The following PLAGL1 variants were observed in gnomAD, a reference collection of about 807,000 sequenced individuals.
The protein encoded by PLAGL1 is PLAG1 like zinc finger 1.
Under a neutral mutation model 4.6 loss-of-function variants are expected in PLAGL1, and 1 was observed. That is an observed-to-expected ratio of 0.22 (90% CI 0.08 to 1.03). The LOEUF (loss-of-function observed/expected upper bound fraction) is 1.03, where lower values mean the gene tolerates loss of function less well. PLAGL1 is among the 50% of genes least tolerant of loss of function. The pLI is 0.58. For synonymous variants in PLAGL1, 240 were observed against 237.8 expected (o/e 1.01, Z -0.08); for missense variants, 464 against 570.4 (o/e 0.81, Z 1.90).
At chr6:143,943,031 ATT>A (rs61216054) in intron 7 of PLAGL1, among the ~76,000 whole-genome samples, 7 of 64,646 alleles carry the variant, frequency 1.1e-4, no homozygotes, top group South Asian at 8.8e-4. Context: ...GGCCTGGCTA[ATT>A]TTTTTTTTTT....
Position 143,941,853 on chromosome 6 carries a change from A to G in PLAGL1, c.963T>C (p.Asp321=). ...AACTGATATTGCAAAAACCTTTAGT[A>G]TCTGCTTTGAGGGGCAGGCTTGCAA... The part of the protein sequence containing the change: ...SPLASLPLKA[D]TKGFCNISLF... Residue 321 remains aspartate (D), a synonymous_variant, in exon 8 of 8, where the codon GAT becomes GAC. Coordinates refer to ENST00000674357, the MANE Select transcript of PLAGL1 (RefSeq NM_001317162.2). The surrounding 1 kb of genome is among the most constrained non-coding windows in gnomAD (Gnocchi z 6.0). 1 of 1,614,070 alleles carries G rather than the reference A, an allele frequency of 6.2e-7. No individual in the cohort carries two copies. Among genetic ancestry groups the G allele is most frequent in the Non-Finnish European group, 8.5e-7 (1 of 1,179,904 alleles).
At chr6:143,988,333 G>A (rs1194788237) in intron 1 of PLAGL1, among the ~76,000 whole-genome samples, 1 of 152,196 alleles carries the variant, frequency 6.6e-6, no homozygotes, top group African/African-American at 2.4e-5. Context: ...GACTATATCT[G>A]TATAACTTAG....
Position 143,947,884 on chromosome 6 carries a change from C to T in PLAGL1, c.152+101G>A. The stretch of plus-strand genomic sequence containing the variant: ...AATCCCTCAAAGGCTAAAATGCATC[C>T]ATATCCTGTGTCCCTTTCCCCTTGC... On this transcript the variant is annotated intron_variant, in intron 7 of 7. Transcript: ENST00000674357. The surrounding 1 kb of genome is among the most constrained non-coding windows in gnomAD (Gnocchi z 4.3). 1 of 917,114 alleles carries T rather than the reference C, an allele frequency of 1.1e-6. No individual in the cohort carries two copies. The highest frequency in any genetic ancestry group is 1.6e-5 in the South Asian group (1 of 60,918). 56.8% of individuals were successfully genotyped at this position (917,114 alleles called of 1,614,324 possible). A position where few individuals can be genotyped will look rare whatever the true frequency, so the allele number is the denominator to read the frequency against.
Position 144,027,316 on chromosome 6 carries a change from T to C in PLAGL1, c.-151+37152A>G, listed in dbSNP as rs1796450518. Among the ~76,000 whole-genome samples, 1 of 149,946 alleles carries C rather than the reference T, an allele frequency of 6.7e-6. No individual in the cohort carries two copies. The highest frequency in any genetic ancestry group is 6.7e-5 in the Admixed American group (1 of 14,974). ...GAAAGTTATTTGATCTGAAGTACAATGTCTTTAAGAAGTGAAATCTGTAAG... is the reference window on the plus strand; with the variant it reads ...GAAAGTTATTTGATCTGAAGTACAACGTCTTTAAGAAGTGAAATCTGTAAG... On this transcript the variant is annotated intron_variant, in intron 1 of 3. Coordinates refer to the PLAGL1 transcript ENST00000437412. The surrounding 1 kb of genome is among the most constrained non-coding windows in gnomAD (Gnocchi z 5.8).
rs1182420511 is a variant in PLAGL1 at position 144,013,523 on chromosome 6, T to G, written c.-150-44545A>C. 6.6e-6 allele frequency among the ~76,000 whole-genome samples: 1 copy of G among 152,232 alleles called. No individual in the cohort carries two copies. The highest frequency in any genetic ancestry group is 1.5e-5 in the Non-Finnish European group (1 of 68,032). The stretch of plus-strand genomic sequence containing the variant: ...AACAAATTACCACAAACTGGTGGCA[T>G]AAAACATGAAATTTATTTTCTGAGT... On this transcript the variant is annotated intron_variant, in intron 1 of 3. Coordinates refer to the PLAGL1 transcript ENST00000437412. The surrounding 1 kb of genome is among the most constrained non-coding windows in gnomAD (Gnocchi z 4.4).
At chr6:144,019,105 A>G (rs150520164) in intron 1 of PLAGL1, among the ~76,000 whole-genome samples, 1 of 152,300 alleles carries the variant, frequency 6.6e-6, no homozygotes, top group African/African-American at 2.4e-5. Context: ...AAACGCTGAG[A>G]TTCCAGATTA....
At chr6:143,986,510 T>C (rs567011832) in intron 1 of PLAGL1, among the ~76,000 whole-genome samples, 3 of 152,216 alleles carry the variant, frequency 2.0e-5, no homozygotes, top group Non-Finnish European at 2.9e-5. Context: ...AAAAGACATA[T>C]TCAATTGAGC....
rs148127754 is a variant in PLAGL1, at chr6:143,960,123, T to C, written c.-325+346A>G. On this transcript the variant is annotated intron_variant, in intron 6 of 7. Coordinates refer to ENST00000674357, the MANE Select transcript of PLAGL1 (RefSeq NM_001317162.2). This position sits in a 1 kb window ranked among gnomAD's most constrained non-coding sequence, Gnocchi z 5.7. ...ATCTTATGTACACAAGTTAGGAGTG[T>C]TGGCAGGGGCAGCTTTCTTCTTTTG... is the stretch of plus-strand genomic sequence containing the variant. Among the ~76,000 whole-genome samples, 1,436 of 152,296 alleles carry C rather than the reference T, an allele frequency of 9.4e-3. 8 individuals carry two copies. The highest frequency in any genetic ancestry group is 0.031 in the Middle Eastern group (9 of 294).
At chr6:144,062,823 A>C (rs1799531386) in intron 1 of PLAGL1, among the ~76,000 whole-genome samples, 1 of 152,230 alleles carries the variant, frequency 6.6e-6, no homozygotes, top group Admixed American at 6.5e-5. Context: ...GATGGAACAG[A>C]AATTCACATT....
chr6:143,977,628 T>C (rs550287221), intron 2 of PLAGL1, among the ~76,000 whole-genome samples: 9 of 151,860 alleles, frequency 5.9e-5, no homozygotes, highest in African/African-American at 1.2e-4. Flanking sequence ...ATAGTCTGTA[T>C]ACCTGAGATT....
rs1788282578 is a variant in PLAGL1, at chr6:143,982,963, A to G, written c.-544+2172T>C. On this transcript the variant is annotated intron_variant, in intron 2 of 7. Coordinates refer to ENST00000674357, the MANE Select transcript of PLAGL1 (RefSeq NM_001317162.2). The surrounding 1 kb of genome is among the most constrained non-coding windows in gnomAD (Gnocchi z 5.3). ...AGGTCCATACTGGAGACAATTTAGT[A>G]GCTGCCAGCATATATGTATTTAAAG... Among the ~76,000 whole-genome samples, 1 of 152,208 alleles carries G rather than the reference A, an allele frequency of 6.6e-6. No homozygotes were observed. The highest frequency in any genetic ancestry group is 1.5e-5 in the Non-Finnish European group (1 of 68,030).
rs1201995919 is a variant in PLAGL1, at chr6:144,039,263, A to G, written c.-151+25205T>C. ...AACCAATGAAAAGATGGTTGACTTC[A>G]TTAGTCATCAGATAATGAAATTTTA... On this transcript the variant is annotated intron_variant, in intron 1 of 3. Transcript: ENST00000437412. This position sits in a 1 kb window ranked among gnomAD's most constrained non-coding sequence, Gnocchi z 4.1. Among the ~76,000 whole-genome samples, 1 of 152,240 alleles carries G rather than the reference A, an allele frequency of 6.6e-6. No homozygotes were observed. Among genetic ancestry groups the G allele is most frequent in the Non-Finnish European group, 1.5e-5 (1 of 68,044 alleles).
rs370143629 is a variant in PLAGL1 at position 143,977,414 on chromosome 6, CT to C, written c.-544+7720del. 3.8e-3 allele frequency among the ~76,000 whole-genome samples: 564 copies of C among 147,492 alleles called. 5 individuals are homozygous for C. The highest frequency in any genetic ancestry group is 0.014 in the African/African-American group (544 of 39,914). Reference sequence around the variant, plus strand: ...ATACACATTTAATTTTCTTCCATGCCTTTTCATGGCTTGATAGCTCACTTCT... The same window carrying C: ...ATACACATTTAATTTTCTTCCATGCCTTTCATGGCTTGATAGCTCACTTCT... On this transcript the variant is annotated intron_variant, in intron 2 of 7. Coordinates refer to ENST00000674357, the MANE Select transcript of PLAGL1 (RefSeq NM_001317162.2).
chr6:143,974,324 C>A (rs978868282), intron 2 of PLAGL1, among the ~76,000 whole-genome samples: 1 of 151,614 alleles, frequency 6.6e-6, no homozygotes, highest in East Asian at 1.9e-4. Flanking sequence ...AAGGTATGAA[C>A]CCACTCGGTG....
chr6:143,967,243 T>TA (rs1784584388), intron 3 of PLAGL1: 1 of 152,222 alleles, frequency 6.6e-6, no homozygotes, highest in Non-Finnish European at 1.5e-5. Flanking sequence ...GGTTATGCGT[T>TA]ACACGTGTAC....
At chr6:143,946,709 G>A (rs1176558566) in intron 7 of PLAGL1, among the ~76,000 whole-genome samples, 4 of 152,206 alleles carry the variant, frequency 2.6e-5, no homozygotes, top group Non-Finnish European at 1.5e-5. Context: ...GGTAATACCA[G>A]TCAGATGGAA....
At chr6:143,951,372 C>T (rs1781046958) in intron 6 of PLAGL1, among the ~76,000 whole-genome samples, 1 of 152,212 alleles carries the variant, frequency 6.6e-6, no homozygotes, top group South Asian at 2.1e-4. Flanking sequence ...ATGGATACTA[C>T]ACCATATCAA....
chr6:143,956,773 A>G (rs1036081001), intron 6 of PLAGL1, among the ~76,000 whole-genome samples: 4 of 152,250 alleles, frequency 2.6e-5, no homozygotes, highest in Non-Finnish European at 4.4e-5. Flanking sequence ...AGTCCAGAGA[A>G]GCTATGGAAA....
At position 143,958,707 on chromosome 6, in the gene PLAGL1, G is replaced by C. The variant is rs1342965339; in HGVS notation, c.-325+1762C>G. Among the ~76,000 whole-genome samples, 1 of 152,160 alleles carries C rather than the reference G, an allele frequency of 6.6e-6. No individual in the cohort carries two copies. The highest frequency in any genetic ancestry group is 1.5e-5 in the Non-Finnish European group (1 of 68,026). ...ATCACTGGTCCTTTAAGATTATCCT[G>C]ATTCTTGATTTTTTCTTTTTAAACT... On this transcript the variant is annotated intron_variant, in intron 6 of 7. Coordinates refer to ENST00000674357, the MANE Select transcript of PLAGL1 (RefSeq NM_001317162.2). This position sits in a 1 kb window ranked among gnomAD's most constrained non-coding sequence, Gnocchi z 5.1.
Sources: gnomAD v4.1 joint callset for allele counts (sites outside exome capture counted in the v4.1 genomes callset) on GRCh38, gnomAD v4.1.1 for gene constraint, Gnocchi (gnomAD v3.1) non-coding constraint, MANE v1.5 for transcripts, NCBI Gene and HGNC (gene_info 2026-07-23, HGNC 2026-07-21) for gene names.